EIF3H: variants seen among roughly 807,000 people sequenced by gnomAD.
EIF3H encodes eIF-3-gamma.
In EIF3H, 26 loss-of-function variants were observed where a neutral mutation model predicts 44.2. The observed-to-expected ratio is 0.59, with a 90% CI of 0.43 to 0.82. The LOEUF is 0.82. EIF3H is among the 40% of genes least tolerant of loss of function. EIF3H has a pLI of 0.00. For synonymous variants in EIF3H, 166 were observed against 151.9 expected, an observed-to-expected ratio of 1.09 and a Z score of -0.68; for missense variants, 359 against 432.8, an observed-to-expected ratio of 0.83 and a Z score of 1.51.
intron 2 of EIF3H, among the ~76,000 whole-genome samples, chr8:116,717,043 G>A (rs750289363): frequency 6.6e-5 from 10 of 152,032 alleles, no homozygotes; most frequent in Non-Finnish European, 1.3e-4. Context: ...AATGCAATGG[G>A]TCTTTACCAT....
chr8:116,715,216 C>T (rs1267320717), intron 2 of EIF3H, among the ~76,000 whole-genome samples: 3 of 151,970 alleles, frequency 2.0e-5, no homozygotes, highest in Non-Finnish European at 4.4e-5. Flanking sequence ...TACAACTCTG[C>T]TTTTCTTTTC....
At chr8:116,721,976 C>G (rs1269902298) in intron 2 of EIF3H, among the ~76,000 whole-genome samples, 1 of 152,112 alleles carries the variant, frequency 6.6e-6, no homozygotes, top group African/African-American at 2.4e-5. Context: ...GTTAAGACTT[C>G]GGGGCACAGT....
At position 116,704,549 on chromosome 8, in the gene EIF3H, T is replaced by C. The variant is rs191572577; in HGVS notation, c.289+21467A>G. 4.6e-5 allele frequency among the ~76,000 whole-genome samples: 7 copies of C among 152,352 alleles called. No homozygotes were observed. The South Asian group carries it at 1.2e-3, about 27-fold the overall frequency. On this transcript the variant is annotated intron_variant, in intron 2 of 7. Transcript: ENST00000521861. The stretch of plus-strand genomic sequence containing the variant: ...TTCTCCCTAAAAGCTAGTAAAAATA[T>C]CTATTTTACTAAAAGTAAAATCTTC...
In EIF3H at chr8:116,748,088, G is replaced by A. The variant is rs2130980736; in HGVS notation, c.132+7578C>T. Reference sequence around the variant, plus strand: ...ATCCACTTGAACCTGGGAGGCAGAGGTTGCAGTGGGCCAAGATCATGCCAT... The same window carrying A: ...ATCCACTTGAACCTGGGAGGCAGAGATTGCAGTGGGCCAAGATCATGCCAT... On this transcript the variant is annotated intron_variant, in intron 1 of 7. Coordinates refer to ENST00000521861, the MANE Select transcript of EIF3H (RefSeq NM_003756.3). 2.0e-5 allele frequency among the ~76,000 whole-genome samples: 3 copies of A among 151,762 alleles called. No homozygotes were observed. The South Asian group carries it at 6.2e-4, about 32-fold the overall frequency.
Position 116,726,047 on chromosome 8 carries a change from C to A in EIF3H, c.258G>T (p.Gln86His). 6.2e-7 allele frequency: 1 copy of A among 1,614,008 alleles called. No individual in the cohort carries two copies. The highest frequency in any genetic ancestry group is 8.5e-7 in the Non-Finnish European group (1 of 1,179,940). ...LEITNCFPFP[Q>H]HTEDDADFDE... Reference sequence around the variant, plus strand: ...CAAAGTCAGCATCATCCTCTGTGTGCTGAGGGAAAGGAAAGCAGTTGGTAA... The same window carrying A: ...CAAAGTCAGCATCATCCTCTGTGTGATGAGGGAAAGGAAAGCAGTTGGTAA... The change falls in exon 2 of 8, where the codon CAG becomes CAT. Residue 86 changes from glutamine to histidine, a missense_variant. Physicochemically the swap from Gln to His is conservative, Grantham distance 24. Around this residue, in one of 5 missense-constraint regions of EIF3H, gnomAD observed 91 missense variants for 164.6 expected, o/e 0.55. Transcript: ENST00000521861.
At chr8:116,681,984 G>A (rs377034153) in intron 2 of EIF3H, among the ~76,000 whole-genome samples, 44 of 152,260 alleles carry the variant, frequency 2.9e-4, no homozygotes, top group East Asian at 7.7e-4. Context: ...GTTCAGTAAC[G>A]GAAGTATTTC....
chr8:116,709,838 A>T (rs955395416), intron 2 of EIF3H, among the ~76,000 whole-genome samples: 4 of 152,234 alleles, frequency 2.6e-5, no homozygotes, highest in Admixed American at 2.0e-4. Context: ...AGAGATAAAT[A>T]AGAAAAGGGT....
chr8:116,687,643 A>C (rs190123649), intron 2 of EIF3H, among the ~76,000 whole-genome samples: 312 of 152,308 alleles, frequency 2.0e-3, no homozygotes, highest in Admixed American at 5.3e-3. Context: ...ATAGGATTTT[A>C]AAACTGCATC....
chr8:116,667,464 CAAA>C (rs36085143), intron 2 of EIF3H, among the ~76,000 whole-genome samples: 2 of 138,696 alleles, frequency 1.4e-5, no homozygotes. Flanking sequence ...TACAACTTCA[CAAA>C]AAAAAAAAAA....
chr8:116,657,697 G>A (rs2130792554), intron 3 of EIF3H: 2 of 185,026 alleles, frequency 1.1e-5, no homozygotes, highest in South Asian at 2.3e-4. Context: ...GCATGTACTT[G>A]GGTAGCTCCT....
intron 1 of EIF3H, among the ~76,000 whole-genome samples, chr8:116,752,248 T>TA (rs1815356221): frequency 6.6e-6 from 1 of 152,172 alleles, no homozygotes; most frequent in Admixed American, 6.5e-5. Context: ...GAAGTGTTGT[T>TA]AGTTACTGGT....
At chr8:116,743,810 ACACACAC>A (rs1815181630) in intron 1 of EIF3H, among the ~76,000 whole-genome samples, 4 of 102,352 alleles carry the variant, frequency 3.9e-5, no homozygotes, top group Admixed American at 1.1e-4. Flanking sequence ...ACACACACAC[ACACACAC>A]ACACACACAC....
rs1156705115 is a variant in EIF3H at position 116,762,955 on chromosome 8, G to GA, written c.-27+2559dup. ...CGAGACTCCGTCTCAAAAAGAAAAG[G>GA]AAAAAAAAAGAATTCTGGGGAATGG... On this transcript the variant is annotated intron_variant, in intron 1 of 9. Coordinates refer to the EIF3H transcript ENST00000276682. 8.7e-5 allele frequency among the ~76,000 whole-genome samples: 13 copies of GA among 149,858 alleles called. No individual in the cohort carries two copies. The East Asian group carries it at 2.2e-3, about 25-fold the overall frequency.
rs539520042 is a variant in EIF3H, at chr8:116,682,773, C to T, written c.290-23793G>A. On this transcript the variant is annotated intron_variant, in intron 2 of 7. Transcript: ENST00000521861. ...GGTAAAAGTCTTACTTTCCAATTGC[C>T]TGTTACTTCTATTCAACAACCTAAT... Among the ~76,000 whole-genome samples the T allele has an allele frequency of 4.6e-5, 7 of 152,244 alleles. No homozygotes were observed. In the South Asian group the frequency reaches 1.5e-3, roughly 32 times the overall value.
intron 2 of EIF3H, among the ~76,000 whole-genome samples, chr8:116,662,470 T>TA (rs1216607158): frequency 6.6e-6 from 1 of 151,962 alleles, no homozygotes; most frequent in African/African-American, 2.4e-5. Flanking sequence ...TGTAATAAGG[T>TA]AAAAAAATAA....
chr8:116,656,175 T>G (rs953662128), intron 4 of EIF3H, among the ~76,000 whole-genome samples, 170 bp from the exon 5 acceptor site: 1 of 151,074 alleles, frequency 6.6e-6, no homozygotes, highest in African/African-American at 2.4e-5. Context: ...CAAGCATAAG[T>G]TGAGTGATTT....
intron 2 of EIF3H, among the ~76,000 whole-genome samples, chr8:116,669,688 T>C (rs1036538062): frequency 6.6e-6 from 1 of 152,166 alleles, no homozygotes; most frequent in Non-Finnish European, 1.5e-5. Context: ...AAAGATATTA[T>C]AAAAGAAAGC....
At chr8:116,676,282 T>C (rs1016320791) in intron 2 of EIF3H, among the ~76,000 whole-genome samples, 3 of 152,248 alleles carry the variant, frequency 2.0e-5, no homozygotes, top group Non-Finnish European at 4.4e-5. Flanking sequence ...TCTGTTTTTA[T>C]ACTGCTATAA....
At chr8:116,722,056 G>A (rs1468463565) in intron 2 of EIF3H, among the ~76,000 whole-genome samples, 1 of 152,180 alleles carries the variant, frequency 6.6e-6, no homozygotes, top group East Asian at 1.9e-4. Flanking sequence ...GAATGATATG[G>A]TTTGGCTGTG....
Sources: allele counts gnomAD v4.1 joint callset (sites outside exome capture counted in the v4.1 genomes callset), GRCh38; gene constraint gnomAD v4.1.1; regional missense constraint gnomAD v4.1.1; transcripts MANE v1.5; gene names NCBI Gene and HGNC (gene_info 2026-07-23, HGNC 2026-07-21).